Variants in TTC7A observed in about 807,000 individuals in gnomAD.
TTC7A encodes the protein tetratricopeptide repeat domain 7A, also known as tetratricopeptide repeat protein 7A.
A neutral mutation model predicts 103.7 loss-of-function variants in TTC7A; 110 were observed. The ratio of observed to expected loss-of-function variants is 1.06; its 90% CI spans 0.91 to 1.24. The LOEUF (loss-of-function observed/expected upper bound fraction) is 1.24, where lower values mean the gene tolerates loss of function less well. Among genes scored for constraint, TTC7A ranks in the 50% most tolerant of loss-of-function variants. TTC7A has a pLI of 0.00. For synonymous variants in TTC7A, 521 were observed against 467.9 expected, an observed-to-expected ratio of 1.11 and a Z score of -1.47; for missense variants, 1,340 against 1,116.3, an observed-to-expected ratio of 1.20 and a Z score of -2.86.
intron 15 of TTC7A, among the ~76,000 whole-genome samples, chr2:47,030,052 T>C (rs1403963566): frequency 6.6e-6 from 1 of 152,180 alleles, no homozygotes; most frequent in Non-Finnish European, 1.5e-5. Context: ...ATTTCTGCCT[T>C]CTGCCCCTAA....
At chr2:47,056,919 T>C (rs1185932701) in intron 18 of TTC7A, among the ~76,000 whole-genome samples, 1 of 151,680 alleles carries the variant, frequency 6.6e-6, no homozygotes, top group Non-Finnish European at 1.5e-5. Context: ...CTCCCCCCCA[T>C]CCAGCCCCGT....
chr2:47,061,551 C>T (rs189538759), intron 19 of TTC7A, among the ~76,000 whole-genome samples: 275 of 152,280 alleles, frequency 1.8e-3, no homozygotes, highest in Admixed American at 5.4e-3. Flanking sequence ...GGGCTCAGGA[C>T]TTGGGTGTCC....
intron 5 of TTC7A, 118 bp downstream of exon 5, chr2:46,979,025 G>T: frequency 3.0e-6 from 2 of 673,264 alleles, no homozygotes; most frequent in Non-Finnish European, 5.2e-6. Flanking sequence ...CTTCCAAGAG[G>T]ATTGGTGGGA....
chr2:47,022,079 A>C, intron 12 of TTC7A, 100 bp downstream of exon 12: 1 of 790,062 alleles, frequency 1.3e-6, no homozygotes, highest in Non-Finnish European at 2.1e-6. Context: ...CCCTCAGGCC[A>C]TGCCTCCATA....
chr2:46,969,657 C>T (rs1572761288), intron 3 of TTC7A, among the ~76,000 whole-genome samples: 1 of 152,006 alleles, frequency 6.6e-6, no homozygotes, highest in Admixed American at 6.5e-5. Context: ...GTGATCCGTC[C>T]GCCTCGGCCT....
At chr2:46,944,075 C>T (rs1290423352) in intron 1 of TTC7A, among the ~76,000 whole-genome samples, 1 of 152,136 alleles carries the variant, frequency 6.6e-6, no homozygotes, top group Non-Finnish European at 1.5e-5. Context: ...CTACTGTCTC[C>T]TCACTCACAT....
At chr2:46,959,955 A>G (rs1672228451) in intron 3 of TTC7A, among the ~76,000 whole-genome samples, 1 of 152,222 alleles carries the variant, frequency 6.6e-6, no homozygotes, top group Non-Finnish European at 1.5e-5. Context: ...AAACAATAGA[A>G]AAACCACATG....
intron 5 of TTC7A, among the ~76,000 whole-genome samples, chr2:46,992,145 G>A (rs567636020): frequency 6.6e-6 from 1 of 152,334 alleles, no homozygotes; most frequent in African/African-American, 2.4e-5. Context: ...GCTTTCCCTT[G>A]TGTGGTGTGA....
At chr2:47,055,853 G>A (rs866277588) in intron 18 of TTC7A, among the ~76,000 whole-genome samples, 2 of 152,226 alleles carry the variant, frequency 1.3e-5, no homozygotes, top group African/African-American at 2.4e-5. Flanking sequence ...TGGCTGAAGC[G>A]GGTGTTTATG....
At chr2:46,988,019 C>A (rs894549984) in intron 5 of TTC7A, among the ~76,000 whole-genome samples, 2 of 152,280 alleles carry the variant, frequency 1.3e-5, no homozygotes, top group Admixed American at 6.5e-5. Flanking sequence ...TCAGACTGTT[C>A]TCACAAATCT....
rs550715352 is a variant in TTC7A, at chr2:46,941,585, G to C, written c.44G>C (p.Ser15Thr). Reference protein sequence around the residue: ...GAHGSYLKVESELERCRAEGH... With the variant: ...GAHGSYLKVETELERCRAEGH... Reference sequence around the variant, plus strand: ...CACGGCTCCTACCTGAAGGTGGAGAGCGAGCTGGAGCGCTGCCGCGCCGAG... The same window carrying C: ...CACGGCTCCTACCTGAAGGTGGAGACCGAGCTGGAGCGCTGCCGCGCCGAG... The change falls in exon 1 of 20, where the codon AGC (serine) becomes ACC (threonine). Residue 15 changes from serine to threonine, a missense_variant. Ser to Thr is a moderately conservative substitution (Grantham distance 58, BLOSUM62 1). Transcript: ENST00000319190. This position sits in a 1 kb window ranked among gnomAD's most constrained non-coding sequence, Gnocchi z 4.2. 2 of 1,557,088 alleles carry C rather than the reference G, an allele frequency of 1.3e-6. No individual in the cohort carries two copies. The highest frequency in any genetic ancestry group is 2.4e-5 in the East Asian group (1 of 41,514).
In TTC7A at chr2:47,006,076, AGCCCACCC is replaced by A. The variant is rs746841723; in HGVS notation, c.1203+18_1203+25del. The A allele has an allele frequency of 1.4e-5, 23 of 1,610,268 alleles. No homozygotes were observed. In the South Asian group the frequency reaches 2.4e-4, roughly 17 times the overall value. On this transcript the variant is annotated intron_variant, in intron 9 of 19. Coordinates refer to ENST00000319190, the MANE Select transcript of TTC7A (RefSeq NM_020458.4). ...CTCTCGGAGGTACGGCCGGCCATGC[AGCCCACCC>A]CACTCTCCGGAGTCAGGTGGTCTGT...
intron 18 of TTC7A, among the ~76,000 whole-genome samples, chr2:47,058,851 C>T (rs1383150643): frequency 6.6e-6 from 1 of 151,954 alleles, no homozygotes. Flanking sequence ...GCCCCATTTC[C>T]TACTCCTCTG....
In TTC7A at chr2:46,978,811, C is replaced by T. The variant is rs267599393; in HGVS notation, c.668C>T (p.Ser223Leu). The T allele has an allele frequency of 1.1e-5, 18 of 1,613,840 alleles. No homozygotes were observed. The highest frequency in any genetic ancestry group is 1.6e-4 in the Middle Eastern group (1 of 6,062). The change falls in exon 5 of 20, where the codon TCG becomes TTG. Residue 223 changes from serine (S) to leucine (L), a missense_variant. Physicochemically the swap from Ser to Leu is moderately radical, Grantham distance 145. Transcript: ENST00000319190. ...ELEKTTNNST[S>L]RHLKGCHPLD... is the part of the protein sequence containing the mutation. Reference sequence around the variant, plus strand: ...TCCCAGACCACAAATAACAGCACGTCGAGGCATCTGAAAGGCTGTCACCCG... The same window carrying T: ...TCCCAGACCACAAATAACAGCACGTTGAGGCATCTGAAAGGCTGTCACCCG...
chr2:46,985,549 A>C (rs1054797720), intron 5 of TTC7A, among the ~76,000 whole-genome samples: 1 of 152,238 alleles, frequency 6.6e-6, no homozygotes, highest in Non-Finnish European at 1.5e-5. Context: ...TAGAATGCAA[A>C]TGCCTTTCTG....
At chr2:46,997,954 T>C (rs1676385828) in intron 8 of TTC7A, among the ~76,000 whole-genome samples, 1 of 152,138 alleles carries the variant, frequency 6.6e-6, no homozygotes. Context: ...GGCCCGTGCT[T>C]GGAGCCAGGT....
chr2:46,936,597 C>G (rs62140553), upstream of TTC7A, among the ~76,000 whole-genome samples: 5,350 of 152,210 alleles, frequency 0.035, 202 homozygotes, highest in East Asian at 0.086. Context: ...GTCTTAATAT[C>G]AACCTGTCTA....
In TTC7A at chr2:46,956,886, C is replaced by T. The variant is rs780299149; in HGVS notation, c.396C>T (p.Tyr132=). ...TGCTGATCCTGGGCAAACTGCATTA[C>T]GTGGAGGGCTCATACCGAGATGCCA... ...EAMLILGKLH[Y]VEGSYRDAIS... Residue 132 remains tyrosine, a synonymous_variant, in exon 3 of 20, where the codon TAC becomes TAT. Transcript: ENST00000319190. The T allele has an allele frequency of 2.8e-5, 45 of 1,614,022 alleles. No individual in the cohort carries two copies. The highest frequency in any genetic ancestry group is 8.8e-5 in the South Asian group (8 of 91,076).
intron 11 of TTC7A, among the ~76,000 whole-genome samples, chr2:47,015,379 G>T (rs1425642787): frequency 6.6e-6 from 1 of 152,214 alleles, no homozygotes; most frequent in Non-Finnish European, 1.5e-5. Context: ...ATGGAAACAG[G>T]GCATGCTTAT....
Sources: gnomAD v4.1 joint callset for allele counts (sites outside exome capture counted in the v4.1 genomes callset) on GRCh38, gnomAD v4.1.1 for gene constraint, Gnocchi (gnomAD v3.1) non-coding constraint, MANE v1.5 for transcripts, NCBI Gene and HGNC (gene_info 2026-07-23, HGNC 2026-07-21) for gene names.